PYGB: variants seen among roughly 807,000 people sequenced by gnomAD.
PYGB encodes the protein glycogen phosphorylase B, also known as glycogen phosphorylase, brain form.
PYGB carries 82 observed loss-of-function variants against 94.3 expected under a neutral mutation model. That is an observed-to-expected ratio of 0.87 (90% CI 0.73 to 1.04). PYGB has a LOEUF of 1.04. Among genes scored for constraint, PYGB ranks in the 50% least tolerant of loss-of-function variants. The pLI is 0.00. For synonymous variants in PYGB, 488 were observed against 479.1 expected, an observed-to-expected ratio of 1.02 and a Z score of -0.24; for missense variants, 1,132 against 1,158.2, an observed-to-expected ratio of 0.98 and a Z score of 0.33.
chr20:25,276,718 T>G lies in PYGB; in HGVS notation c.733T>G (p.Trp245Gly), dbSNP rs200175446. 2 of 1,614,046 alleles carry G rather than the reference T, an allele frequency of 1.2e-6. No individual in the cohort carries two copies. The highest frequency in any genetic ancestry group is 2.2e-5 in the South Asian group (2 of 91,088). ...KNNTVNTMRL[W>G]SAKAPNDFKL... ...CAACACCGTCAACACCATGCGGCTG[T>G]GGTCCGCCAAGGCTCCCAACGACTT... The change falls in exon 6 of 20, where the codon TGG becomes GGG. Residue 245 changes from tryptophan (W) to glycine (G), a missense_variant. Coordinates refer to ENST00000216962, the MANE Select transcript of PYGB (RefSeq NM_002862.4).
At chr20:25,272,689 C>T (rs1253267088) in intron 4 of PYGB, among the ~76,000 whole-genome samples, 1 of 152,172 alleles carries the variant, frequency 6.6e-6, no homozygotes, top group African/African-American at 2.4e-5. Flanking sequence ...TGTGGAGATG[C>T]CCTCTGCAAC....
chr20:25,274,624 C>T lies in PYGB; in HGVS notation c.561C>T (p.Gly187=), dbSNP rs1188987574. The stretch of plus-strand genomic sequence containing the variant: ...AGGCCGATGACTGGCTGCGCTACGG[C>T]AACCCCTGGGAGAAAGCGCGGCCTG... ...VEEADDWLRY[G]NPWEKARPEY... Residue 187 remains glycine (G), a synonymous_variant, in exon 5 of 20, where the codon GGC becomes GGT. Coordinates refer to ENST00000216962, the MANE Select transcript of PYGB (RefSeq NM_002862.4). The T allele has an allele frequency of 1.2e-6, 2 of 1,613,794 alleles. No individual in the cohort carries two copies. Among genetic ancestry groups the T allele is most frequent in the African/African-American group, 1.3e-5 (1 of 75,068 alleles).
intron 1 of PYGB, among the ~76,000 whole-genome samples, chr20:25,250,828 A>T (rs1384345228): frequency 2.6e-5 from 4 of 152,224 alleles, no homozygotes; most frequent in Non-Finnish European, 5.9e-5. Flanking sequence ...CCTGAAGGAA[A>T]AATTATTACT....
rs1273918286 is a variant in PYGB, at chr20:25,278,484, G to T, written c.999+22G>T. On this transcript the variant is annotated intron_variant, in intron 8 of 19. Coordinates refer to ENST00000216962, the MANE Select transcript of PYGB (RefSeq NM_002862.4). Reference sequence around the variant, plus strand: ...CAAGGTGCATGGTGGCCCTGGGAGGGATCTCAGTGCCAGGGGCTGGGCGCC... The same window carrying T: ...CAAGGTGCATGGTGGCCCTGGGAGGTATCTCAGTGCCAGGGGCTGGGCGCC... The T allele has an allele frequency of 1.9e-6, 3 of 1,612,562 alleles. No individual in the cohort carries two copies. The South Asian group carries it at 3.3e-5, about 18-fold the overall frequency.
At chr20:25,283,655 G>A (rs1023727202) in intron 13 of PYGB, among the ~76,000 whole-genome samples, 4 of 152,222 alleles carry the variant, frequency 2.6e-5, no homozygotes, top group African/African-American at 4.8e-5. Context: ...TGTCTGCACC[G>A]GCAGCAGCCT....
intron 2 of PYGB, among the ~76,000 whole-genome samples, chr20:25,262,716 G>C (rs932186306): frequency 6.6e-6 from 1 of 151,474 alleles, no homozygotes; most frequent in Non-Finnish European, 1.5e-5. Context: ...GTATTCAGGA[G>C]ACCCATCTCA....
chr20:25,271,373 A>G lies in PYGB; in HGVS notation c.425-10A>G, dbSNP rs2088265776. 1 of 1,612,936 alleles carries G rather than the reference A, an allele frequency of 6.2e-7. No homozygotes were observed. The highest frequency in any genetic ancestry group is 8.5e-7 in the Non-Finnish European group (1 of 1,179,360). The stretch of plus-strand genomic sequence containing the variant: ...TTTGATTCTGACTGATTTGTGATTG[A>G]TTTTTTCAGCGTGTTTCCTTGACTC... On this transcript the variant is annotated splice_polypyrimidine_tract_variant and intron_variant, in intron 3 of 19. Coordinates refer to ENST00000216962, the MANE Select transcript of PYGB (RefSeq NM_002862.4).
chr20:25,257,564 T>TGTAGTG (rs1347596535), intron 1 of PYGB, among the ~76,000 whole-genome samples: 1 of 152,198 alleles, frequency 6.6e-6, no homozygotes, highest in Non-Finnish European at 1.5e-5. Context: ...TGTGGTGGCA[T>TGTAGTG]GCACCTGTAG....
intron 1 of PYGB, among the ~76,000 whole-genome samples, chr20:25,254,931 A>G (rs1056565692): frequency 5.9e-5 from 9 of 152,224 alleles, no homozygotes; most frequent in Non-Finnish European, 1.5e-5. Flanking sequence ...CTAAAGTTCT[A>G]TAATTCTTTT....
chr20:25,292,444 G>A lies in PYGB; in HGVS notation c.2008G>A (p.Ala670Thr). The A allele has an allele frequency of 6.2e-7, 1 of 1,613,454 alleles. No individual in the cohort carries two copies. Among genetic ancestry groups the A allele is most frequent in the Non-Finnish European group, 8.5e-7 (1 of 1,180,008 alleles). ...AADLSQQIST[A>T]GTEASGTGNM... The stretch of plus-strand genomic sequence containing the variant: ...TGATCTGTCGCAGCAGATCTCCACT[G>A]CAGGCACCGAGGCCTCAGGCACAGG... The change falls in exon 17 of 20, where the codon GCA (alanine) becomes ACA (threonine). Residue 670 changes from alanine to threonine, a missense_variant. Transcript: ENST00000216962.
At chr20:25,251,789 C>G (rs2092888740) in intron 1 of PYGB, among the ~76,000 whole-genome samples, 1 of 152,218 alleles carries the variant, frequency 6.6e-6, no homozygotes, top group Non-Finnish European at 1.5e-5. Context: ...TTTTGAGACT[C>G]TTCCCATAAG....
At chr20:25,268,162 C>CCCCCT (rs142601763) in intron 2 of PYGB, among the ~76,000 whole-genome samples, 99 of 7,104 alleles carry the variant, frequency 0.014, 10 homozygotes, top group African/African-American at 0.097. Context: ...CTAGCACCCG[C>CCCCCT]CCCCCCCCCA....
In PYGB at chr20:25,248,237, C is replaced by T. The variant is rs1413508026; in HGVS notation, c.59C>T (p.Ala20Val). ...KRKQISVRGL[A>V]GLGDVAEVRK... ...AAGCAGATCAGCGTGCGCGGCCTGG[C>T]GGGGCTAGGCGACGTGGCCGAGGTG... is the stretch of plus-strand genomic sequence containing the variant. Residue 20 changes from alanine (A) to valine (V), a missense_variant, in exon 1 of 20, where the codon GCG (alanine) becomes GTG (valine). Ala to Val is a moderately conservative substitution (Grantham distance 64, BLOSUM62 0). Transcript: ENST00000216962. 1 of 1,596,104 alleles carries T rather than the reference C, an allele frequency of 6.3e-7. No homozygotes were observed. Among genetic ancestry groups the T allele is most frequent in the Admixed American group, 1.7e-5 (1 of 57,734 alleles).
intron 3 of PYGB, among the ~76,000 whole-genome samples, chr20:25,270,551 G>A (rs762292647): frequency 2.8e-4 from 43 of 152,096 alleles, no homozygotes; most frequent in Non-Finnish European, 4.0e-4. Context: ...AGGCTGGAGT[G>A]CACTGGCACA....
chr20:25,279,729 A>G (rs2088348513), intron 9 of PYGB, among the ~76,000 whole-genome samples: 1 of 152,090 alleles, frequency 6.6e-6, no homozygotes, highest in Non-Finnish European at 1.5e-5. Context: ...ACACACCCAG[A>G]AAAATAAAAC....
At chr20:25,288,131 G>T in intron 14 of PYGB, 1 of 535,784 alleles carries the variant, frequency 1.9e-6, no homozygotes. Flanking sequence ...TAGCATCTTT[G>T]CTCGAGTCAG....
chr20:25,273,132 C>T (rs1259046408), intron 4 of PYGB, among the ~76,000 whole-genome samples: 1 of 152,222 alleles, frequency 6.6e-6, no homozygotes. Context: ...AGCATGTGGC[C>T]AGAGGGGCCG....
chr20:25,292,369 C>T (rs775411094), intron 16 of PYGB, 37 bp from the exon 17 acceptor site: 1 of 1,605,904 alleles, frequency 6.2e-7, no homozygotes, highest in Non-Finnish European at 8.5e-7. Flanking sequence ...ACATTGGGGT[C>T]CTCACAGTGA....
At position 25,248,114 on chromosome 20, in the gene PYGB, T is replaced by G. The variant is rs200070039; in HGVS notation, c.-65T>G. 74 of 1,467,442 alleles carry G rather than the reference T, an allele frequency of 5.0e-5. No homozygotes were observed. In the African/African-American group the frequency reaches 1.1e-3, roughly 21 times the overall value. 90.9% of individuals were successfully genotyped at this position (1,467,442 alleles called of 1,614,324 possible). A position where few individuals can be genotyped will look rare whatever the true frequency, so the allele number is the denominator to read the frequency against. The stretch of plus-strand genomic sequence containing the variant: ...CAGCGGCGCCAGAGCAGCTGCACCA[T>G]CCCGGCGTTCGCGTGTGCCGCCGCT... On this transcript the variant is annotated 5_prime_UTR_variant, in exon 1 of 20. Transcript: ENST00000216962.
Sources: gnomAD v4.1 joint callset for allele counts (sites outside exome capture counted in the v4.1 genomes callset) on GRCh38, gnomAD v4.1.1 for gene constraint, MANE v1.5 for transcripts, NCBI Gene and HGNC (gene_info 2026-07-23, HGNC 2026-07-21) for gene names.